The following DOK7 variants were observed in gnomAD, a reference collection of about 807,000 sequenced individuals.
DOK7 encodes the protein docking protein 7.
A neutral mutation model predicts 30.7 loss-of-function variants in DOK7; 32 were observed. The ratio of observed to expected loss-of-function variants is 1.04; its 90% confidence interval spans 0.79 to 1.40. The LOEUF (loss-of-function observed/expected upper bound fraction) is 1.40, where lower values mean the gene tolerates loss of function less well. Ranked by LOEUF, DOK7 falls within the 40% of genes most tolerant of loss-of-function variation. The pLI, the probability that DOK7 is intolerant of heterozygous loss-of-function variation, is 0.00. For synonymous variants in DOK7, 447 were observed against 324.1 expected, an observed-to-expected ratio of 1.38 and a Z score of -4.07; for missense variants, 1,007 against 699.2, an observed-to-expected ratio of 1.44 and a Z score of -4.97.
chr4:3,501,171 G>A (rs1190057242), exon 8 of DOK7: 2 of 318,752 alleles, frequency 6.3e-6, no homozygotes, highest in Non-Finnish European at 1.2e-5. Context: ...GGTTTGTGGT[G>A]CCTGGGATGC....
At position 3,493,716 on chromosome 4, in the gene DOK7, G is replaced by T; in HGVS notation, c.*215G>T. On this transcript the variant is annotated 3_prime_UTR_variant, in exon 7 of 7. Coordinates refer to ENST00000340083, the MANE Select transcript of DOK7 (RefSeq NM_173660.5). ...GAGTTCTGGAAGGCAGGGGCTCTGG[G>T]TCCGGCAGGTCGGGGTCACCAGAGC... is the stretch of plus-strand genomic sequence containing the variant. 1 of 1,432,118 alleles carries T rather than the reference G, an allele frequency of 7.0e-7. No homozygotes were observed. The highest frequency in any genetic ancestry group is 9.1e-7 in the Non-Finnish European group (1 of 1,096,832). 88.7% of individuals were successfully genotyped at this position (1,432,118 alleles called of 1,614,324 possible).
intron 5 of DOK7, 101 bp from the exon 6 acceptor site, chr4:3,489,576 C>A: frequency 6.5e-7 from 1 of 1,540,190 alleles, no homozygotes; most frequent in South Asian, 1.2e-5. Context: ...ACTGCCACTC[C>A]ACAGAGGGGG....
At position 3,494,394 on chromosome 4, in the gene DOK7, T is replaced by C. The variant is rs926016626; in HGVS notation, c.*893T>C. Reference sequence around the variant, plus strand: ...CCCTGACCACAGCCCAGCAGCTCCCTGTGAACACCTCTTTGTCCCTTCACT... The same window carrying C: ...CCCTGACCACAGCCCAGCAGCTCCCCGTGAACACCTCTTTGTCCCTTCACT... On this transcript the variant is annotated 3_prime_UTR_variant, in exon 7 of 7. Coordinates refer to ENST00000340083, the MANE Select transcript of DOK7 (RefSeq NM_173660.5). The C allele has an allele frequency of 5.1e-6, 5 of 985,802 alleles. No homozygotes were observed. Among genetic ancestry groups the C allele is most frequent in the East Asian group, 2.3e-4 (2 of 8,848 alleles). 61.1% of individuals were successfully genotyped at this position (985,802 alleles called of 1,614,324 possible). A position where few individuals can be genotyped will look rare whatever the true frequency, so the allele number is the denominator to read the frequency against.
intron 2 of DOK7, among the ~76,000 whole-genome samples, chr4:3,469,350 G>GC (rs917301643): frequency 5.9e-5 from 9 of 152,104 alleles, no homozygotes; most frequent in African/African-American, 2.2e-4. Context: ...GCCTGCCAGA[G>GC]CCCCGGGAAC....
intron 6 of DOK7, chr4:3,500,241 C>T (rs1046118783): frequency 7.2e-6 from 11 of 1,532,636 alleles, no homozygotes; most frequent in East Asian, 2.4e-5. Context: ...CACAGCCGCT[C>T]CCCCCACAGG....
At chr4:3,482,329 T>C (rs1727485934) in intron 4 of DOK7, among the ~76,000 whole-genome samples, 1 of 152,300 alleles carries the variant, frequency 6.6e-6, no homozygotes, top group Non-Finnish European at 1.5e-5. Context: ...CCTCGGGCAG[T>C]GGCATTTGGC....
chr4:3,476,185 ATGCCCTCTCACCTCAC>A (rs1482416550), intron 3 of DOK7, among the ~76,000 whole-genome samples, 141 bp from the exon 4 acceptor site: 3 of 80,620 alleles, frequency 3.7e-5, no homozygotes, highest in African/African-American at 1.4e-4. Context: ...CCCACCCTCG[ATGCCCTCTCACCTCAC>A]CCGCCCATGA....
intron 6 of DOK7, 57 bp downstream of exon 6, chr4:3,489,853 G>A: frequency 6.5e-7 from 1 of 1,545,308 alleles, no homozygotes; most frequent in Non-Finnish European, 8.8e-7. Flanking sequence ...CAGCAGGAGA[G>A]CTCAGGAGGC....
At chr4:3,484,559 A>G in intron 4 of DOK7, 1 of 985,460 alleles carries the variant, frequency 1.0e-6, no homozygotes, top group Non-Finnish European at 1.2e-6. Context: ...CGCGGCCGCC[A>G]GGGCTTCATT....
At chr4:3,488,219 G>C (rs1434183416) in intron 5 of DOK7, among the ~76,000 whole-genome samples, 1 of 152,226 alleles carries the variant, frequency 6.6e-6, no homozygotes, top group Non-Finnish European at 1.5e-5. Context: ...CAGTGCCTTG[G>C]GGTGGCCATA....
In DOK7 at chr4:3,493,668, G is replaced by A; in HGVS notation, c.*167G>A. 5 of 1,453,676 alleles carry A rather than the reference G, an allele frequency of 3.4e-6. No homozygotes were observed. Among genetic ancestry groups the A allele is most frequent in the Non-Finnish European group, 4.5e-6 (5 of 1,102,854 alleles). 90.0% of individuals were successfully genotyped at this position (1,453,676 alleles called of 1,614,324 possible). A position where few individuals can be genotyped will look rare whatever the true frequency, so the allele number is the denominator to read the frequency against. On this transcript the variant is annotated 3_prime_UTR_variant, in exon 7 of 7. Transcript: ENST00000340083. ...GGCGCGCCCTGTGGCTGCCACCGGAGGAAGGGGCTGACTTGGGGAGGTGAG... is the reference window on the plus strand; with the variant it reads ...GGCGCGCCCTGTGGCTGCCACCGGAAGAAGGGGCTGACTTGGGGAGGTGAG...
rs370754817 is a variant in DOK7 at position 3,481,098 on chromosome 4, A to G, written c.533-4441A>G. 1.1e-4 allele frequency among the ~76,000 whole-genome samples: 16 copies of G among 150,998 alleles called. No homozygotes were observed. The South Asian group carries it at 3.2e-3, about 30-fold the overall frequency. ...CTGTGTAGGAGCCCTGTTGGGGGGG[A>G]TAGGAGGCGTGAGGGTGGAGGAGGA... On this transcript the variant is annotated intron_variant, in intron 4 of 6. Transcript: ENST00000340083.
At chr4:3,472,786 A>G (rs1726832895) in intron 2 of DOK7, among the ~76,000 whole-genome samples, 1 of 152,226 alleles carries the variant, frequency 6.6e-6, no homozygotes, top group Non-Finnish European at 1.5e-5. Flanking sequence ...GCAGGTCCCC[A>G]GCAGCCGAGG....
At chr4:3,500,789 G>T in exon 8 of DOK7, 1 of 1,534,092 alleles carries the variant, frequency 6.5e-7, no homozygotes, top group Non-Finnish European at 8.7e-7. Flanking sequence ...AGGAGCAGCT[G>T]TCGGAGCTGG....
At chr4:3,495,124 G>GT (rs565842470), downstream of DOK7, among the ~76,000 whole-genome samples, 284 of 152,278 alleles carry the variant, frequency 1.9e-3, 1 homozygote, top group African/African-American at 6.1e-3. Flanking sequence ...CTGAGCCTCA[G>GT]TTTCCTCTTG....
At chr4:3,482,781 C>G (rs1442128051) in intron 4 of DOK7, among the ~76,000 whole-genome samples, 2 of 152,234 alleles carry the variant, frequency 1.3e-5, no homozygotes, top group Non-Finnish European at 2.9e-5. Context: ...TCACCTATGT[C>G]TTTCCACCCA....
chr4:3,475,931 T>G (rs1201244959), intron 3 of DOK7, among the ~76,000 whole-genome samples: 2 of 152,042 alleles, frequency 1.3e-5, no homozygotes, highest in Non-Finnish European at 2.9e-5. Flanking sequence ...CCTGGGAGGA[T>G]GGCAAGGAGA....
chr4:3,469,314 C>T (rs920884134), intron 2 of DOK7, among the ~76,000 whole-genome samples: 14 of 152,118 alleles, frequency 9.2e-5, no homozygotes, highest in African/African-American at 2.2e-4. Flanking sequence ...CATCACGACC[C>T]GGTGCCCTCC....
chr4:3,497,410 A>C (rs9683647), downstream of DOK7, among the ~76,000 whole-genome samples: 34,517 of 151,494 alleles, frequency 0.23, 4,132 homozygotes, highest in South Asian at 0.37. Context: ...GTTGGGAGGG[A>C]GGGCCAGGCA....
Sources: gnomAD v4.1 joint callset for allele counts (sites outside exome capture counted in the v4.1 genomes callset) on GRCh38, gnomAD v4.1.1 for gene constraint, MANE v1.5 for transcripts, NCBI Gene and HGNC (gene_info 2026-07-23, HGNC 2026-07-21) for gene names.